Variants in PRMT9 observed in about 807,000 individuals in gnomAD.
The protein encoded by PRMT9 is protein arginine N-methyltransferase 9.
Under a neutral mutation model 83.2 loss-of-function variants are expected in PRMT9, and 59 were observed. The observed-to-expected ratio is 0.71, with a 90% CI of 0.57 to 0.88. PRMT9 has a LOEUF of 0.88. Among genes scored for constraint, PRMT9 ranks in the 40% least tolerant of loss-of-function variants. The pLI, the probability that PRMT9 is intolerant of heterozygous loss-of-function variation, is 0.00. For synonymous variants in PRMT9, 333 were observed against 353.2 expected, an observed-to-expected ratio of 0.94 and a Z score of 0.64; for missense variants, 947 against 1,021.9, an observed-to-expected ratio of 0.93 and a Z score of 1.00.
intron 1 of PRMT9, among the ~76,000 whole-genome samples, chr4:147,681,646 G>A (rs566833131): frequency 6.6e-6 from 1 of 152,190 alleles, no homozygotes; most frequent in South Asian, 2.1e-4. Context: ...AATTAGCCAA[G>A]CACGGTGGCG....
Position 147,657,894 on chromosome 4 carries a change from C to T in PRMT9, c.1228G>A (p.Val410Ile), listed in dbSNP as rs2069398992. The change falls in exon 8 of 12, where the codon GTT (valine) becomes ATT (isoleucine). Residue 410 changes from valine (V) to isoleucine (I), a missense_variant. By Grantham distance (29) the Val-to-Ile change is conservative (BLOSUM62 3). Transcript: ENST00000322396. ...TCATCAAGCTGGAGCACAAACCAAA[C>T]CATAATAGCATCTAGTATGCCTTCT... Reference protein sequence around the residue: ...IKEGILDAIMVWFVLQLDDEH... With the variant: ...IKEGILDAIMIWFVLQLDDEH... 1 of 1,608,402 alleles carries T rather than the reference C, an allele frequency of 6.2e-7. No homozygotes were observed. Among genetic ancestry groups the T allele is most frequent in the Non-Finnish European group, 8.5e-7 (1 of 1,178,264 alleles).
At chr4:147,645,554 C>T (rs1409540172) in intron 9 of PRMT9, among the ~76,000 whole-genome samples, 1 of 152,076 alleles carries the variant, frequency 6.6e-6, no homozygotes, top group Admixed American at 6.5e-5. Context: ...ATGCTAAATA[C>T]TAAAGAAAAT....
chr4:147,639,157 T>C, intron 10 of PRMT9, 75 bp from the exon 11 acceptor site: 1 of 1,492,542 alleles, frequency 6.7e-7, no homozygotes, highest in Non-Finnish European at 9.3e-7. Context: ...CTTTTACACA[T>C]TCCTTTTGTG....
intron 9 of PRMT9, among the ~76,000 whole-genome samples, chr4:147,648,888 C>T (rs1456626576): frequency 6.6e-6 from 1 of 152,066 alleles, no homozygotes; most frequent in African/African-American, 2.4e-5. Flanking sequence ...AGTGTCAGAT[C>T]TTAGCTATGT....
intron 6 of PRMT9, among the ~76,000 whole-genome samples, chr4:147,662,123 A>C (rs1025639786): frequency 2.6e-5 from 4 of 152,228 alleles, no homozygotes; most frequent in Admixed American, 6.5e-5. Context: ...AAACTGATAT[A>C]ACCTAAACAT....
chr4:147,653,390 C>T (rs1032423250), intron 9 of PRMT9, among the ~76,000 whole-genome samples: 2 of 151,000 alleles, frequency 1.3e-5, no homozygotes, highest in Non-Finnish European at 1.5e-5. Flanking sequence ...TGCAGTGAGC[C>T]GAGATTGAGC....
intron 7 of PRMT9, 49 bp from the exon 8 acceptor site, chr4:147,658,024 A>AAAAC: frequency 1.6e-6 from 2 of 1,259,088 alleles, no homozygotes; most frequent in Non-Finnish European, 2.3e-6. Flanking sequence ...TTTCATATAT[A>AAAAC]CTTGCCTCAG....
chr4:147,674,193 T>A (rs1049390893), intron 2 of PRMT9, among the ~76,000 whole-genome samples: 3 of 152,200 alleles, frequency 2.0e-5, no homozygotes, highest in Non-Finnish European at 1.5e-5. Flanking sequence ...TACAACACAC[T>A]AATGCCTATG....
In PRMT9 at chr4:147,660,730, A is replaced by G. The variant is rs1279610308; in HGVS notation, c.1146+116T>C. On this transcript the variant is annotated intron_variant, in intron 7 of 11. Transcript: ENST00000322396. ...ATTACCCTTTAATCATTTTCTTTAC[A>G]TACAATAAGTGGAATCTTCATGCAA... is the stretch of plus-strand genomic sequence containing the variant. The G allele has an allele frequency of 6.0e-6, 4 of 668,054 alleles. No individual in the cohort carries two copies. In the East Asian group the frequency reaches 1.1e-4, roughly 18 times the overall value. 41.4% of individuals were successfully genotyped at this position (668,054 alleles called of 1,614,324 possible). A position where few individuals can be genotyped will look rare whatever the true frequency, so the allele number is the denominator to read the frequency against.
chr4:147,643,728 C>T (rs777382938), intron 9 of PRMT9, among the ~76,000 whole-genome samples: 3 of 152,228 alleles, frequency 2.0e-5, no homozygotes, highest in Non-Finnish European at 4.4e-5. Context: ...GGCATGGTGG[C>T]TGATGCCTAT....
chr4:147,657,752 T>C (rs1281596544), intron 8 of PRMT9, 40 bp downstream of exon 8: 2 of 1,522,670 alleles, frequency 1.3e-6, no homozygotes, highest in Non-Finnish European at 1.8e-6. Context: ...ACTTAGAAGA[T>C]TAAAGCAAGA....
intron 4 of PRMT9, among the ~76,000 whole-genome samples, chr4:147,671,477 A>C (rs72947876): frequency 0.027 from 4,083 of 152,342 alleles, 189 homozygotes; most frequent in African/African-American, 0.093. Flanking sequence ...TATTGCCAGT[A>C]TCACTCATTT....
chr4:147,660,544 T>C (rs1162790711), intron 7 of PRMT9, among the ~76,000 whole-genome samples: 1 of 152,110 alleles, frequency 6.6e-6, no homozygotes, highest in Non-Finnish European at 1.5e-5. Flanking sequence ...GCAGGAGGAT[T>C]GCTTGAACCT....
Position 147,668,649 on chromosome 4 carries a change from A to C in PRMT9, c.847-4T>G, listed in dbSNP as rs745903752. 21 of 1,529,876 alleles carry C rather than the reference A, an allele frequency of 1.4e-5. No individual in the cohort carries two copies. In the South Asian group the frequency reaches 2.4e-4, roughly 17 times the overall value. 94.8% of individuals were successfully genotyped at this position (1,529,876 alleles called of 1,614,324 possible). On this transcript the variant is annotated splice_region_variant and splice_polypyrimidine_tract_variant and intron_variant, in intron 5 of 11. Transcript: ENST00000322396. The stretch of plus-strand genomic sequence containing the variant: ...AATTAGCACTTTCACCTTTGGTCTA[A>C]AAAAAATAACAATAAGAATTATGTT...
rs376324319 is a variant in PRMT9, at chr4:147,670,653, A to T, written c.834T>A (p.Leu278=). Residue 278 remains leucine (L), a synonymous_variant, in exon 5 of 12, where the codon CTT becomes CTA. Coordinates refer to ENST00000322396, the MANE Select transcript of PRMT9 (RefSeq NM_138364.4). Reference sequence around the variant, plus strand: ...TCATACTGCTTACCTTTGGCTGTAAAAGTAAATGCTCCCATGCATGAATCA... The same window carrying T: ...TCATACTGCTTACCTTTGGCTGTAATAGTAAATGCTCCCATGCATGAATCA... ...ESLIHAWEHL[L]LQPKTKGESA... is the part of the protein sequence containing the mutation. 12 of 1,608,354 alleles carry T rather than the reference A, an allele frequency of 7.5e-6. No homozygotes were observed. The highest frequency in any genetic ancestry group is 1.3e-5 in the African/African-American group (1 of 74,810).
intron 5 of PRMT9, among the ~76,000 whole-genome samples, chr4:147,669,625 G>A (rs1735601930): frequency 6.6e-6 from 1 of 152,044 alleles, no homozygotes; most frequent in African/African-American, 2.4e-5. Context: ...GGAGACCAAG[G>A]CAGGTGGATC....
At chr4:147,671,789 C>G in intron 4 of PRMT9, 2 of 452,526 alleles carry the variant, frequency 4.4e-6, no homozygotes, top group South Asian at 1.6e-5. Context: ...ACAACATTAT[C>G]TGTGAGAAAA....
intron 6 of PRMT9, among the ~76,000 whole-genome samples, chr4:147,667,766 C>T (rs1735438136): frequency 6.6e-6 from 1 of 151,996 alleles, no homozygotes; most frequent in South Asian, 2.1e-4. Context: ...AGCCCAACTA[C>T]AAATCATTAC....
chr4:147,644,386 A>G (rs1733598721), intron 9 of PRMT9, among the ~76,000 whole-genome samples: 1 of 151,806 alleles, frequency 6.6e-6, no homozygotes, highest in South Asian at 2.1e-4. Context: ...AAAAAAAAAA[A>G]AAGTCCAAAT....
Sources: gnomAD v4.1 joint callset for allele counts (sites outside exome capture counted in the v4.1 genomes callset) on GRCh38, gnomAD v4.1.1 for gene constraint, MANE v1.5 for transcripts, NCBI Gene and HGNC (gene_info 2026-07-23, HGNC 2026-07-21) for gene names.